ICOS: variants seen among roughly 807,000 people sequenced by gnomAD.
ICOS encodes inducible T-cell costimulator.
ICOS carries 15 observed loss-of-function variants against 24.6 expected under a neutral mutation model. The observed-to-expected ratio is 0.61, with a 90% CI of 0.41 to 0.94. The LOEUF (loss-of-function observed/expected upper bound fraction) is 0.94, where lower values mean the gene tolerates loss of function less well. Ranked by LOEUF, ICOS falls within the 40% of genes least tolerant of loss-of-function variation. ICOS has a pLI of 0.00. For missense variants in ICOS, 200 were observed against 233.0 expected (o/e 0.86, Z 0.92); for synonymous variants, 89 against 77.5 (o/e 1.15, Z -0.78).
At chr2:203,955,531 G>A in intron 1 of ICOS, 105 bp from the exon 2 acceptor site, 2 of 869,074 alleles carry the variant, frequency 2.3e-6, no homozygotes, top group South Asian at 2.8e-5. Context: ...TGGTGCAACA[G>A]AGATGACTTT....
At chr2:203,953,875 A>G (rs898912074) in intron 1 of ICOS, among the ~76,000 whole-genome samples, 1 of 152,216 alleles carries the variant, frequency 6.6e-6, no homozygotes, top group Non-Finnish European at 1.5e-5. Context: ...TAAAATAACA[A>G]TAGCAGAACA....
chr2:203,955,194 G>A (rs555927426), intron 1 of ICOS, among the ~76,000 whole-genome samples: 16 of 151,914 alleles, frequency 1.1e-4, no homozygotes, highest in Non-Finnish European at 2.2e-4. Context: ...CCTCAAGGCG[G>A]CATTTTCTGA....
chr2:203,958,171 G>A (rs572760853), intron 4 of ICOS, among the ~76,000 whole-genome samples: 1 of 152,276 alleles, frequency 6.6e-6, no homozygotes, highest in East Asian at 1.9e-4. Context: ...TGTTTCAAAA[G>A]TTGGGATGAT....
Position 203,936,855 on chromosome 2 carries a change from G to C in ICOS, c.41G>C (p.Arg14Pro), listed in dbSNP as rs776057192. ...GLWYFFLFCL[R>P]IKVLTGEING... ...TGGTATTTCTTTCTCTTCTGCTTGC[G>C]CATTAAAGTTTTAACAGGTAAGTGG... Residue 14 changes from arginine (R) to proline (P), a missense_variant, in exon 1 of 5, where the codon CGC becomes CCC. By Grantham distance (103) the Arg-to-Pro change is moderately radical (BLOSUM62 -2). Coordinates refer to ENST00000316386, the MANE Select transcript of ICOS (RefSeq NM_012092.4). 11 of 1,610,300 alleles carry C rather than the reference G, an allele frequency of 6.8e-6. No homozygotes were observed. Among genetic ancestry groups the C allele is most frequent in the Non-Finnish European group, 8.5e-6 (10 of 1,177,238 alleles).
rs561233087 is a variant in ICOS at position 203,941,594 on chromosome 2, A to G, written c.58+4722A>G. ...GCAAAATGACTTACTGGGCTTTGCA[A>G]ATTTTTAAAAATGAGTTTTAAAATC... On this transcript the variant is annotated intron_variant, in intron 1 of 4. Transcript: ENST00000316386. 1.1e-4 allele frequency among the ~76,000 whole-genome samples: 16 copies of G among 152,328 alleles called. No individual in the cohort carries two copies. The East Asian group carries it at 3.1e-3, about 29-fold the overall frequency.
chr2:203,953,077 T>G (rs1690012917), intron 1 of ICOS, among the ~76,000 whole-genome samples: 1 of 152,150 alleles, frequency 6.6e-6, no homozygotes, highest in African/African-American at 2.4e-5. Context: ...ACCATTGAAG[T>G]CCAGAAGATT....
intron 1 of ICOS, among the ~76,000 whole-genome samples, chr2:203,952,595 A>G (rs557982724): frequency 1.8e-4 from 28 of 152,046 alleles, no homozygotes; most frequent in Non-Finnish European, 3.4e-4. Flanking sequence ...AATTTTTCCA[A>G]CCTATCTGCT....
intron 2 of ICOS, 145 bp from the exon 3 acceptor site, chr2:203,956,514 G>A: frequency 1.5e-6 from 1 of 683,488 alleles, no homozygotes; most frequent in Non-Finnish European, 2.7e-6. Flanking sequence ...CTGAGATGAT[G>A]TTAGTCTAAT....
chr2:203,936,920 C>T, intron 1 of ICOS, 48 bp downstream of exon 1: 2 of 1,405,974 alleles, frequency 1.4e-6, no homozygotes, highest in Non-Finnish European at 2.0e-6. Context: ...TTCAAGTAAA[C>T]ATTAAGAAAA....
intron 1 of ICOS, 146 bp downstream of exon 1, chr2:203,937,018 A>G (rs1689663365): frequency 1.5e-6 from 1 of 668,002 alleles, no homozygotes; most frequent in East Asian, 2.7e-5. Flanking sequence ...CAAGGGCACC[A>G]TGTCACTCAT....
chr2:203,944,265 T>C (rs576726359), intron 1 of ICOS, among the ~76,000 whole-genome samples: 2 of 152,306 alleles, frequency 1.3e-5, no homozygotes, highest in East Asian at 3.9e-4. Context: ...TGGATCCCTG[T>C]GGTGCCTGGC....
At chr2:203,956,485 C>T (rs1690079869) in intron 2 of ICOS, among the ~76,000 whole-genome samples, 174 bp from the exon 3 acceptor site, 1 of 152,100 alleles carries the variant, frequency 6.6e-6, no homozygotes, top group Admixed American at 6.5e-5. Context: ...GTTTTAGTTC[C>T]TGGATCCTTG....
At chr2:203,946,746 T>G (rs1689876968) in intron 1 of ICOS, among the ~76,000 whole-genome samples, 1 of 152,164 alleles carries the variant, frequency 6.6e-6, no homozygotes, top group South Asian at 2.1e-4. Flanking sequence ...TTTTTAGACT[T>G]TTGCCTCTTG....
chr2:203,959,573 A>G lies in ICOS; in HGVS notation c.587-13A>G. 1 of 1,612,314 alleles carries G rather than the reference A, an allele frequency of 6.2e-7. No individual in the cohort carries two copies. The highest frequency in any genetic ancestry group is 8.5e-7 in the Non-Finnish European group (1 of 1,178,574). ...AGAGCATTTAGATAATTTATGCTGA[A>G]TTTTTGTTACAGATGTGACCCTATA... On this transcript the variant is annotated splice_polypyrimidine_tract_variant and intron_variant, in intron 4 of 4. Coordinates refer to ENST00000316386, the MANE Select transcript of ICOS (RefSeq NM_012092.4).
chr2:203,953,466 G>C (rs759363133), intron 1 of ICOS, among the ~76,000 whole-genome samples: 39 of 152,132 alleles, frequency 2.6e-4, no homozygotes, highest in Non-Finnish European at 4.7e-4. Context: ...CTGAAGACTA[G>C]AACACTTGTG....
chr2:203,938,024 T>C (rs1318726609), intron 1 of ICOS, among the ~76,000 whole-genome samples: 1 of 152,230 alleles, frequency 6.6e-6, no homozygotes, highest in African/African-American at 2.4e-5. Context: ...ACCTGCCTGG[T>C]AGCAGGTACT....
chr2:203,957,904 T>G, intron 4 of ICOS, 21 bp downstream of exon 4: 2 of 1,487,594 alleles, frequency 1.3e-6, no homozygotes, highest in Non-Finnish European at 9.4e-7. Context: ...ATTTGGGGGT[T>G]TGGGAAGGGA....
At chr2:203,957,760 G>T (rs200922304) in intron 3 of ICOS, 39 bp from the exon 4 acceptor site, 1 of 1,447,940 alleles carries the variant, frequency 6.9e-7, no homozygotes, top group Admixed American at 1.7e-5. Context: ...AGATGGAGAA[G>T]AAAAGATGAC....
At chr2:203,942,349 T>G (rs139632009) in intron 1 of ICOS, among the ~76,000 whole-genome samples, 1 of 152,220 alleles carries the variant, frequency 6.6e-6, no homozygotes, top group Non-Finnish European at 1.5e-5. Flanking sequence ...TATTTAATTA[T>G]GATGAAATTT....
Sources: gnomAD v4.1 joint callset for allele counts (sites outside exome capture counted in the v4.1 genomes callset) on GRCh38, gnomAD v4.1.1 for gene constraint, MANE v1.5 for transcripts, NCBI Gene and HGNC (gene_info 2026-07-23, HGNC 2026-07-21) for gene names.